The following GPRC5B variants were observed in gnomAD, a reference collection of about 807,000 sequenced individuals.
GPRC5B encodes G protein-coupled receptor family C group 5 member B.
Under a neutral mutation model 30.1 loss-of-function variants are expected in GPRC5B, and 16 were observed. That is an observed-to-expected ratio of 0.53 (90% confidence interval 0.36 to 0.81). The LOEUF (loss-of-function observed/expected upper bound fraction) is 0.81. GPRC5B is among the 30% of genes least tolerant of loss of function. The pLI is 0.01. For synonymous variants in GPRC5B, 241 were observed against 239.5 expected, an observed-to-expected ratio of 1.01 and a Z score of -0.06; for missense variants, 428 against 544.7, an observed-to-expected ratio of 0.79 and a Z score of 2.13.
At chr16:19,883,442 T>TCATTTGCATGC (rs1469844898) in intron 1 of GPRC5B, among the ~76,000 whole-genome samples, 8 of 152,260 alleles carry the variant, frequency 5.3e-5, no homozygotes, top group Non-Finnish European at 1.2e-4. Context: ...TATTTACATG[T>TCATTTGCATGC]CATTTGCATG....
intron 2 of GPRC5B, 110 bp from the exon 3 acceptor site, chr16:19,862,083 G>C: frequency 1.1e-6 from 1 of 881,710 alleles, no homozygotes; most frequent in Non-Finnish European, 1.8e-6. Context: ...ACCCAACCCA[G>C]TGGCTCCTCC....
intron 3 of GPRC5B, among the ~76,000 whole-genome samples, chr16:19,860,790 T>A (rs1363703159): frequency 1.3e-5 from 2 of 152,154 alleles, no homozygotes; most frequent in Admixed American, 6.5e-5. Context: ...ACTTTCAGTC[T>A]TGACTATTTT....
chr16:19,882,339 C>G (rs767078053), intron 1 of GPRC5B: 1 of 152,206 alleles, frequency 6.6e-6, no homozygotes. Flanking sequence ...CAAATTGCAT[C>G]CTTGGCTGCC....
intron 1 of GPRC5B, among the ~76,000 whole-genome samples, chr16:19,878,461 T>G (rs1302953417): frequency 6.6e-6 from 1 of 151,836 alleles, no homozygotes; most frequent in Non-Finnish European, 1.5e-5. Flanking sequence ...ACCTGGCTAA[T>G]TTTTGTATTT....
rs368559109 is a variant in GPRC5B at position 19,872,391 on chromosome 16, C to T, written c.455G>A (p.Arg152Gln). The change falls in exon 2 of 4, where the codon CGG becomes CAG. Residue 152 changes from arginine (R) to glutamine (Q), a missense_variant. Transcript: ENST00000300571. The surrounding 1 kb of genome is among the most constrained non-coding windows in gnomAD (Gnocchi z 5.0). The stretch of plus-strand genomic sequence containing the variant: ...CCAGCCCGCGGGGCCCGTGCCATGC[C>T]GCACCAGCCTCCGCACGCGCCATGC... ...SQAWRVRRLVRHGTGPAGWQL... is the reference protein window; with the variant it reads ...SQAWRVRRLVQHGTGPAGWQL... 304 of 1,613,302 alleles carry T rather than the reference C, an allele frequency of 1.9e-4. 2 individuals carry two copies. Among genetic ancestry groups the T allele is most frequent in the South Asian group, 8.5e-4 (77 of 91,048 alleles).
chr16:19,876,239 T>C (rs1014582146), intron 1 of GPRC5B, among the ~76,000 whole-genome samples: 2 of 152,236 alleles, frequency 1.3e-5, no homozygotes, highest in African/African-American at 2.4e-5. Flanking sequence ...CATTTGGCAA[T>C]GTCTAGAGAC....
chr16:19,866,623 G>A (rs1271366470), intron 2 of GPRC5B, among the ~76,000 whole-genome samples: 1 of 152,076 alleles, frequency 6.6e-6, no homozygotes, highest in East Asian at 1.9e-4. Flanking sequence ...CAAGCAATCT[G>A]CCCGCCTCGG....
chr16:19,861,837 G>C lies in GPRC5B; in HGVS notation c.1167C>G (p.Thr389=), dbSNP rs775287947. ...TEMAVVLNGG[T]IPTAPPSHTG... ...CCCCACATCACATCTTGATACTTAC[G>C]GTCCCACCGTTGAGCACGACGGCCA... The change falls in exon 3 of 4, where the codon ACC becomes ACG. Residue 389 remains threonine (T), a splice_region_variant and synonymous_variant. Transcript: ENST00000300571. The C allele has an allele frequency of 2.5e-6, 4 of 1,612,500 alleles. No individual in the cohort carries two copies. The Admixed American group carries it at 6.7e-5, about 27-fold the overall frequency.
chr16:19,862,587 GAA>G (rs1171623968), intron 2 of GPRC5B, among the ~76,000 whole-genome samples: 2 of 152,016 alleles, frequency 1.3e-5, no homozygotes, highest in African/African-American at 4.8e-5. Flanking sequence ...AAGCTAACAT[GAA>G]AAGACATGGA....
At chr16:19,881,819 G>A (rs1363753267) in intron 1 of GPRC5B, among the ~76,000 whole-genome samples, 2 of 152,164 alleles carry the variant, frequency 1.3e-5, no homozygotes, top group African/African-American at 2.4e-5. Context: ...TTCCTGTTGC[G>A]AAAATGAAGG....
At chr16:19,879,271 G>A (rs1597634768) in intron 1 of GPRC5B, among the ~76,000 whole-genome samples, 1 of 152,164 alleles carries the variant, frequency 6.6e-6, no homozygotes, top group Non-Finnish European at 1.5e-5. Flanking sequence ...GGATGCAGGC[G>A]TGCGCTTCTC....
Position 19,872,009 on chromosome 16 carries a change from G to T in GPRC5B, c.837C>A (p.Ser279Arg). ...CGTGGAAGATGACGAAGACCCAGCCGCTGGCCGCCAGCGTGATGGCCAAGG... is the reference window on the plus strand; with the variant it reads ...CGTGGAAGATGACGAAGACCCAGCCTCTGGCCGCCAGCGTGATGGCCAAGG... ...DPTLAITLAA[S>R]GWVFVIFHAI... The change falls in exon 2 of 4, where the codon AGC becomes AGA. Residue 279 changes from serine to arginine, a missense_variant. Around this residue, in one of 3 missense-constraint regions of GPRC5B, gnomAD observed 213 missense variants for 229.1 expected, o/e 0.93. Transcript: ENST00000300571. This position sits in a 1 kb window ranked among gnomAD's most constrained non-coding sequence, Gnocchi z 5.0. 6.2e-7 allele frequency: 1 copy of T among 1,614,056 alleles called. No homozygotes were observed. Among genetic ancestry groups the T allele is most frequent in the Non-Finnish European group, 8.5e-7 (1 of 1,180,004 alleles).
chr16:19,862,021 C>A, intron 2 of GPRC5B, 48 bp from the exon 3 acceptor site: 1 of 1,607,776 alleles, frequency 6.2e-7, no homozygotes, highest in African/African-American at 1.3e-5. Context: ...AAAAAAGACA[C>A]AATTTTGTTT....
intron 1 of GPRC5B, among the ~76,000 whole-genome samples, chr16:19,874,411 C>T (rs575830915): frequency 1.2e-4 from 19 of 152,306 alleles, no homozygotes; most frequent in African/African-American, 4.6e-4. Context: ...GGTCTAATCA[C>T]GTCTGTCATT....
chr16:19,872,034 G>A lies in GPRC5B; in HGVS notation c.812C>T (p.Thr271Ile), dbSNP rs147376334. ...LQQGDAWNDP[T>I]LAITLAASGW... ...GCTGGCCGCCAGCGTGATGGCCAAG[G>A]TGGGGTCGTTCCAGGCATCCCCCTG... Residue 271 changes from threonine (T) to isoleucine (I), a missense_variant, in exon 2 of 4, where the codon ACC becomes ATC. By Grantham distance (89) the Thr-to-Ile change is moderately conservative. Coordinates refer to ENST00000300571, the MANE Select transcript of GPRC5B (RefSeq NM_016235.3). This position sits in a 1 kb window ranked among gnomAD's most constrained non-coding sequence, Gnocchi z 5.0. 5.6e-6 allele frequency: 9 copies of A among 1,614,068 alleles called. No homozygotes were observed. Among genetic ancestry groups the A allele is most frequent in the Non-Finnish European group, 7.6e-6 (9 of 1,180,004 alleles).
chr16:19,871,553 C>T (rs532004514), intron 2 of GPRC5B, among the ~76,000 whole-genome samples: 2 of 152,264 alleles, frequency 1.3e-5, no homozygotes, highest in South Asian at 2.1e-4. Context: ...ACCCAGGAGG[C>T]GGAGGTTGCA....
At chr16:19,885,236 C>G, upstream of GPRC5B, 1 of 1,288,532 alleles carries the variant, frequency 7.8e-7, no homozygotes, top group Non-Finnish European at 1.0e-6. The surrounding 1 kb of genome is among the most constrained non-coding windows in gnomAD (Gnocchi z 5.3). Flanking sequence ...GGTCCCAGCG[C>G]GGAAGCCTTC....
rs747408249 is a variant in GPRC5B, at chr16:19,860,464, T to G, written c.*36A>C. 2.9e-6 allele frequency: 4 copies of G among 1,388,880 alleles called. No homozygotes were observed. In the East Asian group the frequency reaches 9.1e-5, roughly 32 times the overall value. 86.0% of individuals were successfully genotyped at this position (1,388,880 alleles called of 1,614,324 possible). A position where few individuals can be genotyped will look rare whatever the true frequency, so the allele number is the denominator to read the frequency against. ...AGACACAGCCAGGGAGGCAAATCGG[T>G]AAGAGAAATTCTGATTCTCTGGAAC... On this transcript the variant is annotated 3_prime_UTR_variant, in exon 4 of 4. Coordinates refer to ENST00000300571, the MANE Select transcript of GPRC5B (RefSeq NM_016235.3).
At chr16:19,867,026 A>C (rs966623715) in intron 2 of GPRC5B, among the ~76,000 whole-genome samples, 1 of 152,192 alleles carries the variant, frequency 6.6e-6, no homozygotes, top group African/African-American at 2.4e-5. Flanking sequence ...GGAATTCAGG[A>C]AACCAACTTT....
Sources: gnomAD v4.1 joint callset for allele counts (sites outside exome capture counted in the v4.1 genomes callset) on GRCh38, gnomAD v4.1.1 for gene constraint, gnomAD v4.1.1 regional missense constraint, Gnocchi (gnomAD v3.1) non-coding constraint, MANE v1.5 for transcripts, NCBI Gene and HGNC (gene_info 2026-07-23, HGNC 2026-07-21) for gene names.